The following TEC variants were observed in gnomAD, a reference collection of about 807,000 sequenced individuals.
TEC encodes the protein tec protein tyrosine kinase.
A neutral mutation model predicts 93.0 loss-of-function variants in TEC; 72 were observed. That is an observed-to-expected ratio of 0.77 (90% confidence interval 0.64 to 0.94). The LOEUF is 0.94. Ranked by LOEUF, TEC falls within the 40% of genes least tolerant of loss-of-function variation. TEC has a pLI of 0.00. For missense variants in TEC, 630 were observed against 757.9 expected (o/e 0.83, Z 1.98); for synonymous variants, 249 against 247.7 (o/e 1.01, Z -0.05).
chr4:48,211,288 C>T (rs1028383996), intron 2 of TEC, among the ~76,000 whole-genome samples: 1 of 152,180 alleles, frequency 6.6e-6, no homozygotes, highest in African/African-American at 2.4e-5. Context: ...TCTAGAACTT[C>T]AAGAAATATA....
intron 8 of TEC, among the ~76,000 whole-genome samples, chr4:48,162,915 T>G (rs1009738747): frequency 1.3e-5 from 2 of 152,212 alleles, no homozygotes; most frequent in East Asian, 3.8e-4. Context: ...TGGAAAGCAA[T>G]TTGACAGCAT....
chr4:48,171,674 G>GA (rs560137024), intron 3 of TEC, among the ~76,000 whole-genome samples: 31 of 152,154 alleles, frequency 2.0e-4, no homozygotes, highest in Non-Finnish European at 3.5e-4. Context: ...ATGTTTTATA[G>GA]AAAAAAATAT....
At chr4:48,230,409 T>C (rs1484939667) in intron 1 of TEC, among the ~76,000 whole-genome samples, 1 of 152,202 alleles carries the variant, frequency 6.6e-6, no homozygotes, top group Non-Finnish European at 1.5e-5. Flanking sequence ...AAATGAGATA[T>C]GGGCAAGAAC....
At chr4:48,216,635 T>C (rs547198286) in intron 2 of TEC, among the ~76,000 whole-genome samples, 10 of 152,344 alleles carry the variant, frequency 6.6e-5, no homozygotes, top group African/African-American at 2.4e-4. Flanking sequence ...ATTTTCCAAA[T>C]ATTCTAGGAA....
intron 2 of TEC, among the ~76,000 whole-genome samples, chr4:48,199,932 A>G (rs1722444023): frequency 6.6e-6 from 1 of 152,220 alleles, no homozygotes; most frequent in African/African-American, 2.4e-5. Context: ...GAGGATGAGT[A>G]CTGGGTTAAG....
intron 1 of TEC, among the ~76,000 whole-genome samples, chr4:48,247,359 T>C (rs1264964007): frequency 6.6e-6 from 1 of 152,172 alleles, no homozygotes; most frequent in African/African-American, 2.4e-5. Flanking sequence ...CATAGAATTT[T>C]CGTATGACTC....
intron 11 of TEC, among the ~76,000 whole-genome samples, chr4:48,148,827 C>A (rs1560375603): frequency 6.6e-6 from 1 of 152,288 alleles, no homozygotes; most frequent in South Asian, 2.1e-4. Context: ...GTCCTCCCAA[C>A]CTCTACCCTC....
At chr4:48,207,712 C>T (rs1403091165) in intron 2 of TEC, among the ~76,000 whole-genome samples, 4 of 151,906 alleles carry the variant, frequency 2.6e-5, no homozygotes, top group East Asian at 3.9e-4. Context: ...CACCTGAGCC[C>T]GAAAGGTTGA....
chr4:48,243,889 C>G (rs1723985729), intron 1 of TEC, among the ~76,000 whole-genome samples: 1 of 150,126 alleles, frequency 6.7e-6, no homozygotes, highest in South Asian at 2.1e-4. Flanking sequence ...ATGGGTGCAG[C>G]AAACCAACAT....
At chr4:48,219,951 C>T (rs773316950) in intron 2 of TEC, among the ~76,000 whole-genome samples, 1 of 152,034 alleles carries the variant, frequency 6.6e-6, no homozygotes, top group Non-Finnish European at 1.5e-5. Flanking sequence ...TGCAAGGCAT[C>T]TGTGGCATTT....
At chr4:48,157,996 T>C (rs1720471675) in intron 8 of TEC, among the ~76,000 whole-genome samples, 1 of 152,238 alleles carries the variant, frequency 6.6e-6, no homozygotes, top group Non-Finnish European at 1.5e-5. Flanking sequence ...AAACTTATTT[T>C]GTTAGATCCT....
intron 1 of TEC, among the ~76,000 whole-genome samples, chr4:48,262,403 G>A: frequency 6.6e-6 from 1 of 151,622 alleles, no homozygotes. Flanking sequence ...CACCATATTG[G>A]CCAGGCTGGT....
chr4:48,160,790 A>AAAAAGAAAGAAAAGAAG (rs1720610320), intron 8 of TEC, among the ~76,000 whole-genome samples: 1 of 142,542 alleles, frequency 7.0e-6, no homozygotes, highest in Admixed American at 7.3e-5. Flanking sequence ...AAGAAAAGAA[A>AAAAAGAAAGAAAAGAAG]AGAAGAAAGA....
intron 3 of TEC, among the ~76,000 whole-genome samples, chr4:48,175,786 A>AT (rs1208509555): frequency 6.6e-6 from 1 of 152,152 alleles, no homozygotes; most frequent in African/African-American, 2.4e-5. Flanking sequence ...GTCTAATATT[A>AT]TTTTTTTCAT....
chr4:48,242,021 C>T (rs1448336713), intron 1 of TEC, among the ~76,000 whole-genome samples: 1 of 152,122 alleles, frequency 6.6e-6, no homozygotes, highest in Non-Finnish European at 1.5e-5. Context: ...AAAAGAGTAC[C>T]TTAAAAACAA....
At chr4:48,228,056 C>T (rs1723532116) in intron 2 of TEC, among the ~76,000 whole-genome samples, 1 of 152,060 alleles carries the variant, frequency 6.6e-6, no homozygotes, top group Non-Finnish European at 1.5e-5. Flanking sequence ...AGGTCAACTT[C>T]GATAACGTGT....
intron 1 of TEC, among the ~76,000 whole-genome samples, chr4:48,245,161 T>C (rs1724020567): frequency 6.6e-6 from 1 of 152,000 alleles, no homozygotes; most frequent in Admixed American, 6.6e-5. Flanking sequence ...GGTGTGGTGG[T>C]GCGTGTCTGT....
chr4:48,179,360 ATATATATATATATATATT>A (rs1560393135), intron 2 of TEC, among the ~76,000 whole-genome samples: 1 of 40,482 alleles, frequency 2.5e-5, no homozygotes, highest in East Asian at 8.7e-4. Flanking sequence ...ATATATATAT[ATATATATATATATATATT>A]TTTTTTTTTT....
intron 2 of TEC, among the ~76,000 whole-genome samples, chr4:48,212,040 A>G (rs997092606): frequency 2.7e-5 from 4 of 149,638 alleles, no homozygotes; most frequent in African/African-American, 9.8e-5. Context: ...CGGAGGCTAC[A>G]GCAAGCAGAG....
Sources: allele counts gnomAD v4.1 joint callset (sites outside exome capture counted in the v4.1 genomes callset), GRCh38; gene constraint gnomAD v4.1.1; transcripts MANE v1.5; gene names NCBI Gene and HGNC (gene_info 2026-07-23, HGNC 2026-07-21).